Variants in COL4A4 observed in about 807,000 individuals in gnomAD.
The protein encoded by COL4A4 is collagen type IV alpha 4 chain, also known as collagen alpha-4(IV) chain.
COL4A4 carries 105 observed loss-of-function variants against 192.9 expected under a neutral mutation model. The ratio of observed to expected loss-of-function variants is 0.54; its 90% confidence interval spans 0.46 to 0.64. The LOEUF (loss-of-function observed/expected upper bound fraction) is 0.64, where lower values mean the gene tolerates loss of function less well. Among genes scored for constraint, COL4A4 ranks in the 30% least tolerant of loss-of-function variants. COL4A4 has a pLI of 0.00. For synonymous variants in COL4A4, 762 were observed against 769.9 expected (o/e 0.99, Z 0.17); for missense variants, 1,967 against 2,169.3 (o/e 0.91, Z 1.85).
At chr2:226,968,077 C>T in the COL4A4 span, among the ~76,000 whole-genome samples, 2 of 152,148 alleles carry the variant, frequency 1.3e-5, no homozygotes, top group African/African-American at 4.8e-5. Context: ...TAATTTAATT[C>T]TTGCAGCAAA....
At chr2:227,023,823 C>G (rs1966488521) in intron 43 of COL4A4, among the ~76,000 whole-genome samples, 1 of 152,016 alleles carries the variant, frequency 6.6e-6, no homozygotes, top group Non-Finnish European at 1.5e-5. Flanking sequence ...ACCATCCTAG[C>G]CAACATGGTG....
the COL4A4 span, among the ~76,000 whole-genome samples, chr2:226,990,037 C>T: frequency 6.6e-6 from 1 of 152,208 alleles, no homozygotes; most frequent in East Asian, 1.9e-4. Context: ...TAAACCAAAA[C>T]TGAAATTTCC....
At chr2:227,154,072 C>A (rs1273494227) in intron 1 of COL4A4, among the ~76,000 whole-genome samples, 1 of 152,140 alleles carries the variant, frequency 6.6e-6, no homozygotes, top group Admixed American at 6.5e-5. Context: ...CCTTTGAAGT[C>A]CACCTTGCTC....
intron 4 of COL4A4, among the ~76,000 whole-genome samples, chr2:227,138,224 G>A (rs1414698439): frequency 6.6e-6 from 1 of 152,072 alleles, no homozygotes; most frequent in Non-Finnish European, 1.5e-5. Context: ...AGGTGGAGGT[G>A]GGAGGCTCAC....
intron 22 of COL4A4, among the ~76,000 whole-genome samples, chr2:227,084,009 A>C (rs2059455062): frequency 6.6e-6 from 1 of 152,220 alleles, no homozygotes; most frequent in South Asian, 2.1e-4. Flanking sequence ...CACATAACTC[A>C]ATATCTCTGA....
chr2:227,157,243 G>C (rs2064422566), intron 1 of COL4A4, among the ~76,000 whole-genome samples: 1 of 152,016 alleles, frequency 6.6e-6, no homozygotes, highest in Non-Finnish European at 1.5e-5. Flanking sequence ...AAAATGTTTT[G>C]AGCTGAATGA....
chr2:227,067,371 T>C (rs11531371), intron 25 of COL4A4, among the ~76,000 whole-genome samples: 11,530 of 152,220 alleles, frequency 0.076, 476 homozygotes, highest in East Asian at 0.19. Context: ...GCAGACCTAA[T>C]AGACATCTAC....
chr2:227,082,305 G>A, intron 22 of COL4A4, 118 bp from the exon 23 acceptor site: 1 of 978,182 alleles, frequency 1.0e-6, no homozygotes, highest in Non-Finnish European at 1.6e-6. Flanking sequence ...ATTCTAGCTT[G>A]GCATTCTTGG....
Position 227,088,721 on chromosome 2 carries a change from G to A in COL4A4, c.1555C>T (p.Leu519Phe), listed in dbSNP as rs777020629. 1.2e-6 allele frequency: 2 copies of A among 1,614,018 alleles called. No individual in the cohort carries two copies. The highest frequency in any genetic ancestry group is 2.7e-5 in the African/African-American group (2 of 74,922). ...CCTTTTGTTCCAAGCCAGCCAGGGAGCCCCAAGTCTCCCTTACTCCCCTGC... is the reference window on the plus strand; with the variant it reads ...CCTTTTGTTCCAAGCCAGCCAGGGAACCCCAAGTCTCCCTTACTCCCCTGC... ...GRQGSKGDLG[L>F]PGWLGTKGDP... The change falls in exon 22 of 48, where the codon CTC becomes TTC. Residue 519 changes from leucine to phenylalanine, a missense_variant. Coordinates refer to ENST00000396625, the MANE Select transcript of COL4A4 (RefSeq NM_000092.5).
chr2:226,977,344 C>G, the COL4A4 span, among the ~76,000 whole-genome samples: 1 of 152,160 alleles, frequency 6.6e-6, no homozygotes, highest in East Asian at 1.9e-4. Context: ...GCTTTTCAGC[C>G]TTGTCTGCCC....
chr2:227,121,695 T>C (rs537101865), intron 4 of COL4A4, among the ~76,000 whole-genome samples: 2 of 152,304 alleles, frequency 1.3e-5, no homozygotes, highest in East Asian at 3.9e-4. Context: ...CTTTTTAATC[T>C]GAATTAAGCT....
chr2:227,143,543 C>A (rs1326263520), intron 3 of COL4A4, among the ~76,000 whole-genome samples: 1 of 152,110 alleles, frequency 6.6e-6, no homozygotes, highest in African/African-American at 2.4e-5. Flanking sequence ...ATAGAAAAAT[C>A]TTTGATTCAG....
chr2:227,108,395 GT>G (rs2060982837), intron 12 of COL4A4, among the ~76,000 whole-genome samples, 185 bp downstream of exon 12: 1 of 152,196 alleles, frequency 6.6e-6, no homozygotes, highest in Admixed American at 6.5e-5. Context: ...GTTAAATTGT[GT>G]CAGATCTTTC....
intron 35 of COL4A4, among the ~76,000 whole-genome samples, chr2:227,044,105 G>A (rs1971975835): frequency 6.6e-6 from 1 of 152,194 alleles, no homozygotes; most frequent in African/African-American, 2.4e-5. Flanking sequence ...TTTGGTTCTT[G>A]ATACAGGTTG....
intron 37 of COL4A4, among the ~76,000 whole-genome samples, chr2:227,041,910 G>GAAAGAA (rs1559479386): frequency 6.6e-6 from 1 of 150,926 alleles, no homozygotes; most frequent in Non-Finnish European, 1.5e-5. Context: ...AAGAAAGAAA[G>GAAAGAA]AAAGAAAGAA....
chr2:227,114,436 C>A, intron 8 of COL4A4, 192 bp downstream of exon 8: 1 of 686,726 alleles, frequency 1.5e-6, no homozygotes, highest in Non-Finnish European at 2.7e-6. Context: ...TTTTACAGTG[C>A]TGGAATTTTA....
chr2:227,010,881 CACCCCAAGTGTGG>C (rs1050029566), intron 45 of COL4A4, among the ~76,000 whole-genome samples: 1 of 152,194 alleles, frequency 6.6e-6, no homozygotes, highest in Non-Finnish European at 1.5e-5. Flanking sequence ...TGTAATGACA[CACCCCAAGTGTGG>C]ACTCCCCAGA....
chr2:227,022,808 C>T (rs1966280111), intron 43 of COL4A4, among the ~76,000 whole-genome samples: 1 of 152,318 alleles, frequency 6.6e-6, no homozygotes, highest in Middle Eastern at 3.4e-3. Flanking sequence ...GCAGTGTCCT[C>T]ATCATTGGCT....
At chr2:227,095,047 T>C (rs1418587189) in intron 19 of COL4A4, among the ~76,000 whole-genome samples, 2 of 152,226 alleles carry the variant, frequency 1.3e-5, no homozygotes, top group Non-Finnish European at 2.9e-5. Flanking sequence ...TAAAATGTCT[T>C]GCCTCCTTTG....
Sources: allele counts gnomAD v4.1 joint callset (sites outside exome capture counted in the v4.1 genomes callset), GRCh38; gene constraint gnomAD v4.1.1; transcripts MANE v1.5; gene names NCBI Gene and HGNC (gene_info 2026-07-23, HGNC 2026-07-21).